The following FLT1 variants were observed in gnomAD, a reference collection of about 807,000 sequenced individuals.
FLT1 encodes fms related receptor tyrosine kinase 1, also known as vascular endothelial growth factor receptor 1.
A neutral mutation model predicts 156.3 loss-of-function variants in FLT1; 49 were observed. The observed-to-expected ratio is 0.31, with a 90% confidence interval of 0.25 to 0.40. FLT1 has a LOEUF of 0.40. FLT1 is among the 10% of genes least tolerant of loss of function. The probability of loss-of-function intolerance (pLI) is 1.00; values close to 1 mark genes in which losing one functional copy is unlikely to be tolerated. For missense variants in FLT1, 1,322 were observed against 1,637.2 expected, an observed-to-expected ratio of 0.81 and a Z score of 3.32; for synonymous variants, 594 against 583.8, an observed-to-expected ratio of 1.02 and a Z score of -0.25.
intron 14 of FLT1, among the ~76,000 whole-genome samples, chr13:28,382,847 G>C (rs1874134449): frequency 6.6e-6 from 1 of 152,078 alleles, no homozygotes; most frequent in Non-Finnish European, 1.5e-5. Context: ...GATGTGATTG[G>C]TTTTGAACCT....
At chr13:28,469,054 C>G (rs529551225) in intron 1 of FLT1, among the ~76,000 whole-genome samples, 13 of 152,260 alleles carry the variant, frequency 8.5e-5, no homozygotes, top group Non-Finnish European at 1.3e-4. Context: ...TCTCCCTCTT[C>G]TTCACCAGCC....
At chr13:28,325,269 AC>A (rs1871629712) in intron 20 of FLT1, among the ~76,000 whole-genome samples, 1 of 152,176 alleles carries the variant, frequency 6.6e-6, no homozygotes, top group African/African-American at 2.4e-5. Flanking sequence ...AAATTTCAGT[AC>A]TAAGGGGAAT....
At chr13:28,429,080 G>T (rs534320579) in intron 8 of FLT1, among the ~76,000 whole-genome samples, 1 of 152,180 alleles carries the variant, frequency 6.6e-6, no homozygotes, top group South Asian at 2.1e-4. Context: ...GGAGTCATCA[G>T]ATTACTATTC....
chr13:28,399,702 T>C (rs1875313387), intron 11 of FLT1, among the ~76,000 whole-genome samples: 1 of 152,204 alleles, frequency 6.6e-6, no homozygotes, highest in Non-Finnish European at 1.5e-5. Flanking sequence ...CAGAAATGTA[T>C]TGAATTTTTC....
At chr13:28,339,332 G>C (rs1489178541) in intron 16 of FLT1, 32 bp from the exon 17 acceptor site, 1 of 1,608,246 alleles carries the variant, frequency 6.2e-7, no homozygotes. Context: ...AAGTCATCGA[G>C]AAGAAAACAA....
chr13:28,463,395 A>G (rs1182362853), intron 3 of FLT1, among the ~76,000 whole-genome samples: 1 of 152,192 alleles, frequency 6.6e-6, no homozygotes. Context: ...CATAATTTAC[A>G]TGCTGGGTTT....
At chr13:28,440,786 A>G (rs1177678263) in intron 3 of FLT1, among the ~76,000 whole-genome samples, 1 of 152,144 alleles carries the variant, frequency 6.6e-6, no homozygotes, top group African/African-American at 2.4e-5. Flanking sequence ...TACATGAATT[A>G]ATATATGTAA....
chr13:28,325,907 G>A (rs1032195908), intron 20 of FLT1, among the ~76,000 whole-genome samples: 5 of 151,572 alleles, frequency 3.3e-5, no homozygotes, highest in African/African-American at 7.3e-5. Context: ...TTGCCGGTCC[G>A]GTAGAACATC....
At chr13:28,455,350 A>G (rs1335907025) in intron 3 of FLT1, among the ~76,000 whole-genome samples, 1 of 152,226 alleles carries the variant, frequency 6.6e-6, no homozygotes, top group Non-Finnish European at 1.5e-5. Flanking sequence ...GCTCACATAA[A>G]TACAGTCAAC....
At chr13:28,359,920 C>T (rs921109289) in intron 14 of FLT1, among the ~76,000 whole-genome samples, 10 of 152,056 alleles carry the variant, frequency 6.6e-5, no homozygotes, top group East Asian at 3.9e-4. Flanking sequence ...AGACCAGCCT[C>T]GCCAACATGA....
At chr13:28,407,582 G>A (rs879509183) in intron 10 of FLT1, among the ~76,000 whole-genome samples, 5 of 151,988 alleles carry the variant, frequency 3.3e-5, no homozygotes, top group Non-Finnish European at 7.4e-5. Context: ...ATTCCGTGGT[G>A]GTGTTTGCAC....
intron 10 of FLT1, among the ~76,000 whole-genome samples, chr13:28,413,902 G>A (rs1345271224): frequency 6.6e-6 from 1 of 152,216 alleles, no homozygotes; most frequent in Non-Finnish European, 1.5e-5. Context: ...TTATGTAACT[G>A]TGGATGTCAA....
intron 13 of FLT1, chr13:28,387,497 G>A: frequency 3.8e-6 from 4 of 1,060,726 alleles, no homozygotes; most frequent in Non-Finnish European, 4.6e-6. Flanking sequence ...GAGAAAATCA[G>A]AATTAACAGA....
intron 12 of FLT1, among the ~76,000 whole-genome samples, chr13:28,392,855 G>T (rs1874820762): frequency 6.6e-6 from 1 of 152,114 alleles, no homozygotes; most frequent in African/African-American, 2.4e-5. Flanking sequence ...TAGGGGACAT[G>T]GTCACTGAAG....
chr13:28,459,005 T>C (rs1334753769), intron 3 of FLT1, among the ~76,000 whole-genome samples: 1 of 152,240 alleles, frequency 6.6e-6, no homozygotes, highest in African/African-American at 2.4e-5. Flanking sequence ...TTCACATCTT[T>C]ATCAAAATGA....
chr13:28,316,412 C>T (rs1367389542), intron 25 of FLT1, among the ~76,000 whole-genome samples: 4 of 152,260 alleles, frequency 2.6e-5, no homozygotes, highest in African/African-American at 9.6e-5. Context: ...GTGGTGCCGC[C>T]TCAGGGAGGC....
chr13:28,311,488 C>A, intron 27 of FLT1, 102 bp downstream of exon 27: 1 of 1,006,788 alleles, frequency 9.9e-7, no homozygotes, highest in East Asian at 2.6e-5. Flanking sequence ...CTTTCTTTCT[C>A]TCTTTCTTTC....
At chr13:28,494,759 C>T (rs750762641) in intron 1 of FLT1, 21 bp downstream of exon 1, 77 of 1,543,130 alleles carry the variant, frequency 5.0e-5, no homozygotes, top group Non-Finnish European at 6.3e-5. Context: ...CCTCAGGCCC[C>T]GGCCCCCAGC....
intron 15 of FLT1, among the ~76,000 whole-genome samples, chr13:28,353,074 A>G (rs1872776372): frequency 6.6e-6 from 1 of 152,190 alleles, no homozygotes; most frequent in African/African-American, 2.4e-5. Context: ...GACAACGTGC[A>G]ATCGTTTGCA....
Sources: gnomAD v4.1 joint callset for allele counts (sites outside exome capture counted in the v4.1 genomes callset) on GRCh38, gnomAD v4.1.1 for gene constraint, MANE v1.5 for transcripts, NCBI Gene and HGNC (gene_info 2026-07-23, HGNC 2026-07-21) for gene names.